The following EPHA6 variants were observed in gnomAD, a reference collection of about 807,000 sequenced individuals.
The protein encoded by EPHA6 is EPH receptor A6.
In EPHA6, 50 loss-of-function variants were observed where a neutral mutation model predicts 112.0. The ratio of observed to expected loss-of-function variants is 0.45; its 90% CI spans 0.36 to 0.56. The LOEUF (loss-of-function observed/expected upper bound fraction) is 0.56. Ranked by LOEUF, EPHA6 falls within the 20% of genes least tolerant of loss-of-function variation. The pLI is 0.00. For synonymous variants in EPHA6, 529 were observed against 490.7 expected (o/e 1.08, Z -1.03); for missense variants, 1,280 against 1,417.4 (o/e 0.90, Z 1.56).
rs534048040 is a variant in EPHA6 at position 97,614,016 on chromosome 3, C to T, written c.2574+3162C>T. On this transcript the variant is annotated intron_variant, in intron 13 of 17. Coordinates refer to ENST00000389672, the MANE Select transcript of EPHA6 (RefSeq NM_001080448.3). ...CTCTAAATTTTAGAAATTCCCATTT[C>T]AGAACATTCCACTTAGAACTTCCCA... Among the ~76,000 whole-genome samples the T allele has an allele frequency of 3.9e-5, 6 of 152,288 alleles. No individual in the cohort carries two copies. The East Asian group carries it at 7.7e-4, about 20-fold the overall frequency.
chr3:97,243,686 A>G (rs916037545), intron 4 of EPHA6, among the ~76,000 whole-genome samples: 8 of 151,908 alleles, frequency 5.3e-5, no homozygotes, highest in African/African-American at 1.7e-4. Context: ...TGTAATTACC[A>G]TATGTTTTAC....
intron 2 of EPHA6, among the ~76,000 whole-genome samples, chr3:96,983,188 T>C (rs1362744659): frequency 1.3e-5 from 2 of 152,198 alleles, no homozygotes; most frequent in Non-Finnish European, 2.9e-5. Context: ...CAGTGGCTGG[T>C]ACCGGTTGTT....
rs1232018509 is a variant in EPHA6, at chr3:97,018,916, C to T, written c.1114+30923C>T. On this transcript the variant is annotated intron_variant, in intron 3 of 17. Coordinates refer to ENST00000389672, the MANE Select transcript of EPHA6 (RefSeq NM_001080448.3). ...CAACGGGCGTCTTCCCAGACGCTGG[C>T]GTTACCGCTAGAGCAAGGAGCCCTC... Among the ~76,000 whole-genome samples the T allele has an allele frequency of 3.9e-5, 6 of 152,290 alleles. No individual in the cohort carries two copies. The South Asian group carries it at 6.2e-4, about 16-fold the overall frequency.
chr3:97,495,892 A>T (rs1209410967), intron 10 of EPHA6, among the ~76,000 whole-genome samples: 4 of 152,160 alleles, frequency 2.6e-5, no homozygotes, highest in African/African-American at 9.7e-5. Flanking sequence ...CTGAAGTTTA[A>T]TGTCTACAGT....
At chr3:97,691,267 T>C (rs978776734) in intron 14 of EPHA6, among the ~76,000 whole-genome samples, 3 of 152,198 alleles carry the variant, frequency 2.0e-5, no homozygotes, top group Non-Finnish European at 4.4e-5. Flanking sequence ...ATCCATTTAG[T>C]TTTAGACTCT....
At chr3:97,131,392 C>T (rs924973140) in intron 3 of EPHA6, among the ~76,000 whole-genome samples, 1 of 152,056 alleles carries the variant, frequency 6.6e-6, no homozygotes, top group Non-Finnish European at 1.5e-5. Context: ...GGTGTACTTA[C>T]AATATTCCTT....
intron 3 of EPHA6, among the ~76,000 whole-genome samples, chr3:97,045,308 T>G (rs2108066510): frequency 6.6e-6 from 1 of 152,150 alleles, no homozygotes; most frequent in Middle Eastern, 3.4e-3. Flanking sequence ...ATTATCTCCC[T>G]GACAGATGGC....
chr3:97,062,756 G>A (rs1007551690), intron 3 of EPHA6, among the ~76,000 whole-genome samples: 7 of 152,064 alleles, frequency 4.6e-5, no homozygotes, highest in African/African-American at 1.2e-4. Flanking sequence ...TAAGGTGTGC[G>A]TTTCACCTTC....
chr3:97,456,792 CT>C (rs1369688301), intron 7 of EPHA6, among the ~76,000 whole-genome samples: 1 of 151,746 alleles, frequency 6.6e-6, no homozygotes, highest in Non-Finnish European at 1.5e-5. Flanking sequence ...ATTTTTTTTT[CT>C]ATCAGCCATC....
chr3:97,419,682 G>A (rs572345778), intron 6 of EPHA6, among the ~76,000 whole-genome samples: 1 of 152,032 alleles, frequency 6.6e-6, no homozygotes, highest in East Asian at 1.9e-4. Context: ...TAAGTCCAGG[G>A]AAAGTAGGAG....
chr3:97,072,180 A>G (rs2046380373), intron 3 of EPHA6, among the ~76,000 whole-genome samples: 1 of 152,142 alleles, frequency 6.6e-6, no homozygotes, highest in Non-Finnish European at 1.5e-5. Flanking sequence ...AAAGAAATAT[A>G]TATACCATGG....
At chr3:97,419,766 A>G (rs1403209618) in intron 6 of EPHA6, among the ~76,000 whole-genome samples, 1 of 152,094 alleles carries the variant, frequency 6.6e-6, no homozygotes, top group Admixed American at 6.5e-5. Flanking sequence ...AATCAACAAA[A>G]CCAAAAATTG....
intron 11 of EPHA6, among the ~76,000 whole-genome samples, chr3:97,586,671 G>A (rs986133276): frequency 4.6e-5 from 7 of 152,018 alleles, no homozygotes; most frequent in Non-Finnish European, 7.4e-5. Flanking sequence ...AAGATGGTAG[G>A]TAGGTCAGTA....
In EPHA6 at chr3:97,545,003, T is replaced by C. The variant is rs181625993; in HGVS notation, c.2386+12460T>C. 6.9e-3 allele frequency among the ~76,000 whole-genome samples: 1,051 copies of C among 152,340 alleles called. 11 individuals carry two copies. Among genetic ancestry groups the C allele is most frequent in the African/African-American group, 0.024 (992 of 41,580 alleles). ...TGGTCTATCAATTTTGTTGATCCTT[T>C]CAAAAAACCAGCTCCTGGATTCATT... On this transcript the variant is annotated intron_variant, in intron 11 of 17. Transcript: ENST00000389672.
intron 11 of EPHA6, among the ~76,000 whole-genome samples, chr3:97,568,862 T>G (rs1055011869): frequency 2.0e-5 from 3 of 152,136 alleles, no homozygotes; most frequent in African/African-American, 7.2e-5. Context: ...CAAGTGGGGA[T>G]GTATATAACC....
At chr3:97,665,180 C>A (rs1009507960) in intron 14 of EPHA6, among the ~76,000 whole-genome samples, 6 of 152,172 alleles carry the variant, frequency 3.9e-5, no homozygotes, top group Non-Finnish European at 8.8e-5. Flanking sequence ...CTACAACTAT[C>A]TGATCTTTGA....
intron 11 of EPHA6, among the ~76,000 whole-genome samples, chr3:97,579,536 G>A (rs1357346442): frequency 6.6e-6 from 1 of 152,076 alleles, no homozygotes; most frequent in Non-Finnish European, 1.5e-5. Context: ...TCCTTCCAGG[G>A]TGTACTTTCC....
At chr3:97,001,700 A>G (rs1388148008) in intron 3 of EPHA6, among the ~76,000 whole-genome samples, 1 of 152,000 alleles carries the variant, frequency 6.6e-6, no homozygotes, top group Non-Finnish European at 1.5e-5. Flanking sequence ...TTTACAGGGA[A>G]CTGTAGAGTA....
intron 3 of EPHA6, among the ~76,000 whole-genome samples, chr3:97,158,637 A>AG (rs1559763562): frequency 1.3e-5 from 2 of 152,310 alleles, no homozygotes; most frequent in East Asian, 3.9e-4. Context: ...AGAAGGGGGT[A>AG]GGGAAAAATA....
Sources: allele counts gnomAD v4.1 joint callset (sites outside exome capture counted in the v4.1 genomes callset), GRCh38; gene constraint gnomAD v4.1.1; transcripts MANE v1.5; gene names NCBI Gene and HGNC (gene_info 2026-07-23, HGNC 2026-07-21).